The following SHANK2 variants were observed in gnomAD, a reference collection of about 807,000 sequenced individuals.
The protein encoded by SHANK2 is SH3 and multiple ankyrin repeat domains protein 2.
In SHANK2, 43 loss-of-function variants were observed where a neutral mutation model predicts 133.7. That is an observed-to-expected ratio of 0.32 (90% CI 0.25 to 0.41). The LOEUF (loss-of-function observed/expected upper bound fraction) is 0.41, where lower values mean the gene tolerates loss of function less well. Among genes scored for constraint, SHANK2 ranks in the 10% least tolerant of loss-of-function variants. The probability of loss-of-function intolerance (pLI) is 1.00; values close to 1 mark genes in which losing one functional copy is unlikely to be tolerated. For missense variants in SHANK2, 1,994 were observed against 2,235.8 expected, an observed-to-expected ratio of 0.89 and a Z score of 2.18; for synonymous variants, 1,017 against 952.8, an observed-to-expected ratio of 1.07 and a Z score of -1.24.
intron 8 of SHANK2, among the ~76,000 whole-genome samples, chr11:71,085,728 A>ATT (rs1951385935): frequency 4.6e-5 from 2 of 43,718 alleles, no homozygotes; most frequent in Non-Finnish European, 8.2e-5. Flanking sequence ...TATTATATAA[A>ATT]ATATAATATA....
chr11:71,068,768 A>G (rs918626105), intron 9 of SHANK2, among the ~76,000 whole-genome samples: 39 of 152,170 alleles, frequency 2.6e-4, no homozygotes, highest in African/African-American at 9.4e-4. Flanking sequence ...CAGCTCAGCT[A>G]GAAACCTCAT....
chr11:70,876,738 G>C (rs782574988), intron 11 of SHANK2, among the ~76,000 whole-genome samples: 1 of 152,188 alleles, frequency 6.6e-6, no homozygotes, highest in Non-Finnish European at 1.5e-5. Context: ...GTCTGTGCAA[G>C]TGAAGGCAGG....
chr11:71,086,944 C>T (rs1341741055), intron 8 of SHANK2, among the ~76,000 whole-genome samples: 7 of 152,296 alleles, frequency 4.6e-5, no homozygotes, highest in South Asian at 2.1e-4. Flanking sequence ...AATGGCTTTC[C>T]GGGCCTTTCA....
At chr11:70,928,607 G>C (rs1950460862) in intron 10 of SHANK2, among the ~76,000 whole-genome samples, 1 of 152,132 alleles carries the variant, frequency 6.6e-6, no homozygotes, top group African/African-American at 2.4e-5. Flanking sequence ...GCAGATCCCT[G>C]GGGGGGAAGA....
intron 2 of SHANK2, among the ~76,000 whole-genome samples, chr11:71,214,082 C>A (rs1954347982): frequency 6.6e-6 from 1 of 152,202 alleles, no homozygotes; most frequent in South Asian, 2.1e-4. Context: ...ACTCACCTGG[C>A]CTGGCCCTGC....
chr11:71,250,456 G>A (rs1020750710), intron 1 of SHANK2, among the ~76,000 whole-genome samples: 1 of 152,116 alleles, frequency 6.6e-6, no homozygotes, highest in Non-Finnish European at 1.5e-5. Flanking sequence ...AGTGACATCC[G>A]GCATAGAAAC....
At chr11:70,744,688 C>T (rs918775497) in intron 14 of SHANK2, among the ~76,000 whole-genome samples, 7 of 152,176 alleles carry the variant, frequency 4.6e-5, no homozygotes, top group African/African-American at 1.7e-4. Flanking sequence ...GACCGAAGTG[C>T]CAGCGTTTCT....
intron 2 of SHANK2, among the ~76,000 whole-genome samples, chr11:71,184,638 GGTTAT>G (rs1218250451): frequency 6.6e-6 from 1 of 152,178 alleles, no homozygotes; most frequent in Non-Finnish European, 1.5e-5. Flanking sequence ...TGATGAACTT[GGTTAT>G]GTTTTTACTG....
chr11:70,806,234 A>G (rs1394772309), intron 13 of SHANK2, among the ~76,000 whole-genome samples: 1 of 152,178 alleles, frequency 6.6e-6, no homozygotes, highest in African/African-American at 2.4e-5. Flanking sequence ...CTGCCCTCCA[A>G]TGGCGGGGCC....
At chr11:70,573,889 C>A (rs2060082404) in intron 17 of SHANK2, among the ~76,000 whole-genome samples, 1 of 152,372 alleles carries the variant, frequency 6.6e-6, no homozygotes, top group East Asian at 1.9e-4. Flanking sequence ...CGCTGGGGGC[C>A]CTGAAAGGCC....
intron 11 of SHANK2, among the ~76,000 whole-genome samples, chr11:70,874,821 TG>T (rs1555070876): frequency 6.6e-6 from 1 of 152,196 alleles, no homozygotes; most frequent in African/African-American, 2.4e-5. Flanking sequence ...ATAGTTACTG[TG>T]CCCTCATGTC....
intron 9 of SHANK2, among the ~76,000 whole-genome samples, chr11:71,066,025 A>G (rs1214267904): frequency 1.7e-5 from 1 of 58,002 alleles, no homozygotes; most frequent in African/African-American, 7.2e-5. Flanking sequence ...ATGAGTGGTG[A>G]GTGGGGAAGT....
intron 2 of SHANK2, among the ~76,000 whole-genome samples, chr11:71,194,306 A>G (rs1288101018): frequency 6.6e-6 from 1 of 152,184 alleles, no homozygotes; most frequent in Non-Finnish European, 1.5e-5. Flanking sequence ...AGTTGATGTC[A>G]TGAAGAGACC....
intron 14 of SHANK2, among the ~76,000 whole-genome samples, chr11:70,732,243 G>A (rs191747103): frequency 6.6e-5 from 10 of 152,262 alleles, no homozygotes; most frequent in East Asian, 1.9e-4. Context: ...CGCAAGCCTC[G>A]CCTCTGCTCT....
At position 70,712,189 on chromosome 11, in the gene SHANK2, C is replaced by T. The variant is rs138364128; in HGVS notation, c.1778-13426G>A. On this transcript the variant is annotated intron_variant, in intron 14 of 25. Transcript: ENST00000601538. ...CCTCCACCTTCAAAGCCAGCAAAAG[C>T]GGGACAAGTCCTTCCCCCCACTGCA... 2.1e-3 allele frequency among the ~76,000 whole-genome samples: 321 copies of T among 152,316 alleles called. 1 individual carries two copies. Among genetic ancestry groups the T allele is most frequent in the African/African-American group, 7.0e-3 (293 of 41,576 alleles).
chr11:70,483,013 C>T (rs969659362), intron 25 of SHANK2, among the ~76,000 whole-genome samples: 1 of 152,154 alleles, frequency 6.6e-6, no homozygotes, highest in Non-Finnish European at 1.5e-5. Flanking sequence ...CTGGACTCCC[C>T]GAGTGGAGTG....
At chr11:71,148,975 T>TG (rs1477841267) in intron 2 of SHANK2, among the ~76,000 whole-genome samples, 4 of 117,156 alleles carry the variant, frequency 3.4e-5, no homozygotes, top group African/African-American at 2.0e-4. Flanking sequence ...GAAGACAGGG[T>TG]GGGCCGCGCT....
At chr11:71,059,459 C>T (rs1023239974) in intron 9 of SHANK2, among the ~76,000 whole-genome samples, 2 of 152,152 alleles carry the variant, frequency 1.3e-5, no homozygotes, top group Admixed American at 1.3e-4. Flanking sequence ...GAGCTGTACA[C>T]TTTAGATGGG....
chr11:70,626,238 T>C (rs1042468115), intron 17 of SHANK2, among the ~76,000 whole-genome samples: 3 of 152,230 alleles, frequency 2.0e-5, no homozygotes, highest in Non-Finnish European at 4.4e-5. Context: ...TTTGCAAACA[T>C]TTCAAACGTT....
Sources: gnomAD v4.1 joint callset for allele counts (sites outside exome capture counted in the v4.1 genomes callset) on GRCh38, gnomAD v4.1.1 for gene constraint, MANE v1.5 for transcripts, NCBI Gene and HGNC (gene_info 2026-07-23, HGNC 2026-07-21) for gene names.